The following TRAPPC13 variants were observed in gnomAD, a reference collection of about 807,000 sequenced individuals.
The protein encoded by TRAPPC13 is REV7-interacting novel NHEJ regulator 1.
Under a neutral mutation model 54.0 loss-of-function variants are expected in TRAPPC13, and 39 were observed. The observed-to-expected ratio is 0.72, with a 90% CI of 0.56 to 0.94. TRAPPC13 has a LOEUF of 0.94. TRAPPC13 is among the 40% of genes least tolerant of loss of function. TRAPPC13 has a pLI of 0.00. For missense variants in TRAPPC13, 386 were observed against 488.1 expected, an observed-to-expected ratio of 0.79 and a Z score of 1.97; for synonymous variants, 148 against 167.7, an observed-to-expected ratio of 0.88 and a Z score of 0.91.
intron 4 of TRAPPC13, among the ~76,000 whole-genome samples, chr5:65,643,837 GA>G (rs11407179): frequency 8.3e-4 from 111 of 132,968 alleles, no homozygotes; most frequent in African/African-American, 1.8e-3. Flanking sequence ...AAAAAAGAAA[GA>G]AAAAAAAAAA....
At chr5:65,654,522 T>A (rs1756579347) in intron 7 of TRAPPC13, among the ~76,000 whole-genome samples, 1 of 152,136 alleles carries the variant, frequency 6.6e-6, no homozygotes, top group East Asian at 1.9e-4. Flanking sequence ...GACAAACAAA[T>A]ACTGTTCAGC....
At chr5:65,652,633 A>G (rs772094903) in intron 7 of TRAPPC13, 88 bp downstream of exon 7, 1 of 945,780 alleles carries the variant, frequency 1.1e-6, no homozygotes, top group South Asian at 1.3e-5. Context: ...CTAATACTGA[A>G]GCAAATCGCC....
chr5:65,652,254 C>T (rs1290015182), intron 6 of TRAPPC13, among the ~76,000 whole-genome samples: 1 of 150,160 alleles, frequency 6.7e-6, no homozygotes, highest in Non-Finnish European at 1.5e-5. Context: ...TATTATGGAG[C>T]AAAAACCCAT....
intron 1 of TRAPPC13, among the ~76,000 whole-genome samples, chr5:65,634,451 C>T (rs552750101): frequency 6.6e-6 from 1 of 152,144 alleles, no homozygotes; most frequent in South Asian, 2.1e-4. Context: ...ATTTCCTTAG[C>T]TTATTTTCAT....
rs925991109 is a variant in TRAPPC13, at chr5:65,643,673, C to T, written c.301-3382C>T. On this transcript the variant is annotated intron_variant, in intron 4 of 12. Coordinates refer to ENST00000399438, the MANE Select transcript of TRAPPC13 (RefSeq NM_024941.4). The stretch of plus-strand genomic sequence containing the variant: ...GTCTACTAAAAATACAAAAATTAGC[C>T]GGGTGTGATGGCGGGCGCCTGTAGT... 9.9e-5 allele frequency among the ~76,000 whole-genome samples: 15 copies of T among 151,648 alleles called. No individual in the cohort carries two copies. The East Asian group carries it at 1.4e-3, about 14-fold the overall frequency.
At chr5:65,638,485 A>T (rs1472120951) in intron 4 of TRAPPC13, among the ~76,000 whole-genome samples, 1 of 152,198 alleles carries the variant, frequency 6.6e-6, no homozygotes, top group Non-Finnish European at 1.5e-5. Context: ...GGCAAGGGAG[A>T]CATGGTAATC....
rs780208395 is a variant in TRAPPC13 at position 65,635,362 on chromosome 5, C to T, written c.108C>T (p.Asp36=). Residue 36 remains aspartate (D), a synonymous_variant, in exon 2 of 13, where the codon GAC becomes GAT. Coordinates refer to ENST00000399438, the MANE Select transcript of TRAPPC13 (RefSeq NM_024941.4). ...TCCCAGTAACATGTGAAGAGAAAGA[C>T]TTACCTGGTATGGCACATGCTTTCC... ...TNIPVTCEEK[D]LPGDLFNQLM... is the part of the protein sequence containing the mutation. 6.2e-7 allele frequency: 1 copy of T among 1,612,874 alleles called. No individual in the cohort carries two copies. The highest frequency in any genetic ancestry group is 8.5e-7 in the Non-Finnish European group (1 of 1,179,162).
At chr5:65,634,238 G>A (rs930680517) in intron 1 of TRAPPC13, among the ~76,000 whole-genome samples, 4 of 152,110 alleles carry the variant, frequency 2.6e-5, no homozygotes, top group Admixed American at 6.5e-5. Flanking sequence ...GCCCGCCTTG[G>A]CCTCCCAAAG....
intron 7 of TRAPPC13, 100 bp downstream of exon 7, chr5:65,652,645 A>C (rs1756509629): frequency 2.3e-6 from 2 of 851,140 alleles, no homozygotes; most frequent in Non-Finnish European, 4.1e-6. Context: ...CAAATCGCCA[A>C]CGTGACTGTA....
intron 4 of TRAPPC13, among the ~76,000 whole-genome samples, chr5:65,640,340 C>G (rs1371614551): frequency 6.6e-6 from 1 of 152,110 alleles, no homozygotes; most frequent in Non-Finnish European, 1.5e-5. Context: ...AGTTTGAGAC[C>G]AGCCTACACA....
At chr5:65,628,625 C>T (rs1228062321) in intron 1 of TRAPPC13, among the ~76,000 whole-genome samples, 1 of 151,994 alleles carries the variant, frequency 6.6e-6, no homozygotes, top group Non-Finnish European at 1.5e-5. Context: ...GCACACGCCA[C>T]CACAGCCGGC....
intron 1 of TRAPPC13, chr5:65,629,820 A>G: frequency 2.6e-6 from 4 of 1,536,086 alleles, no homozygotes; most frequent in Non-Finnish European, 3.5e-6. Flanking sequence ...TCAGAACATG[A>G]TGCTAAGTCA....
At chr5:65,630,123 A>G (rs1755466086) in intron 1 of TRAPPC13, 5 of 1,536,086 alleles carry the variant, frequency 3.3e-6, no homozygotes, top group Non-Finnish European at 4.4e-6. Flanking sequence ...TGTAACAGCC[A>G]AACTCTGGAA....
chr5:65,640,620 A>G (rs565543303), intron 4 of TRAPPC13, among the ~76,000 whole-genome samples: 10 of 152,358 alleles, frequency 6.6e-5, no homozygotes, highest in African/African-American at 1.9e-4. Context: ...GTTTGAGAAC[A>G]TATACTTTTG....
chr5:65,657,197 C>A, intron 8 of TRAPPC13, among the ~76,000 whole-genome samples: 1 of 151,824 alleles, frequency 6.6e-6, no homozygotes, highest in Non-Finnish European at 1.5e-5. Flanking sequence ...GCCTGGCCAA[C>A]ATGGTGAAAC....
chr5:65,652,989 G>C lies in TRAPPC13; in HGVS notation c.546+444G>C, dbSNP rs187532644. On this transcript the variant is annotated intron_variant, in intron 7 of 12. Coordinates refer to ENST00000399438, the MANE Select transcript of TRAPPC13 (RefSeq NM_024941.4). ...AAATTATTTCCAGGGTAGTCAGTTT[G>C]CCAGCCAGAATTAGGTTGCTGAGTT... 9.4e-4 allele frequency among the ~76,000 whole-genome samples: 143 copies of C among 152,136 alleles called. 2 individuals are homozygous for C. Among genetic ancestry groups the C allele is most frequent in the African/African-American group, 3.4e-3 (141 of 41,514 alleles).
At chr5:65,634,124 T>G (rs1755656016) in intron 1 of TRAPPC13, among the ~76,000 whole-genome samples, 1 of 151,752 alleles carries the variant, frequency 6.6e-6, no homozygotes. Context: ...TAACTGGGAC[T>G]ACAGGCACCC....
chr5:65,638,344 T>G (rs1466291441), intron 4 of TRAPPC13, among the ~76,000 whole-genome samples: 2 of 152,154 alleles, frequency 1.3e-5, no homozygotes, highest in African/African-American at 4.8e-5. Context: ...AATAGCAGTT[T>G]AGTATTTGTT....
intron 9 of TRAPPC13, among the ~76,000 whole-genome samples, chr5:65,659,335 G>C (rs1171379984): frequency 6.6e-6 from 1 of 152,128 alleles, no homozygotes; most frequent in Non-Finnish European, 1.5e-5. Flanking sequence ...AAACTCTCCT[G>C]TGCTCCATCT....
Sources: gnomAD v4.1 joint callset for allele counts (sites outside exome capture counted in the v4.1 genomes callset) on GRCh38, gnomAD v4.1.1 for gene constraint, MANE v1.5 for transcripts, NCBI Gene and HGNC (gene_info 2026-07-23, HGNC 2026-07-21) for gene names.